The following VWA3B variants were observed in gnomAD, a reference collection of about 807,000 sequenced individuals.
VWA3B encodes von Willebrand factor A domain containing 3B, also known as von Willebrand factor A domain-containing protein 3B.
In VWA3B, 138 loss-of-function variants were observed where a neutral mutation model predicts 158.3. The ratio of observed to expected loss-of-function variants is 0.87; its 90% CI spans 0.76 to 1.00. The LOEUF is 1.00. Among genes scored for constraint, VWA3B ranks in the 50% least tolerant of loss-of-function variants. The pLI is 0.00. For synonymous variants in VWA3B, 596 were observed against 587.3 expected (o/e 1.01, Z -0.21); for missense variants, 1,555 against 1,565.1 (o/e 0.99, Z 0.11).
intron 14 of VWA3B, among the ~76,000 whole-genome samples, chr2:98,227,242 A>G (rs979518784): frequency 2.0e-5 from 3 of 152,170 alleles, no homozygotes; most frequent in African/African-American, 7.2e-5. Flanking sequence ...GCATTCCTGT[A>G]CTCCAACAAC....
chr2:98,112,181 T>C (rs934932623), intron 2 of VWA3B, among the ~76,000 whole-genome samples: 32 of 152,214 alleles, frequency 2.1e-4, no homozygotes, highest in African/African-American at 7.2e-4. Flanking sequence ...CCTTTCCTCA[T>C]TGCTTATTTT....
At chr2:98,154,421 C>T (rs187267081) in intron 7 of VWA3B, among the ~76,000 whole-genome samples, 2 of 152,302 alleles carry the variant, frequency 1.3e-5, no homozygotes, top group Non-Finnish European at 2.9e-5. Flanking sequence ...TGCACCTTGC[C>T]CTCTTCCCTT....
At chr2:98,162,511 G>A (rs1310825318) in intron 7 of VWA3B, among the ~76,000 whole-genome samples, 2 of 152,154 alleles carry the variant, frequency 1.3e-5, no homozygotes, top group South Asian at 2.1e-4. Context: ...TCCCCTCCTC[G>A]CAGCGGTGAC....
intron 7 of VWA3B, among the ~76,000 whole-genome samples, chr2:98,141,380 TC>T (rs1462131615): frequency 6.6e-6 from 1 of 152,084 alleles, no homozygotes; most frequent in Non-Finnish European, 1.5e-5. Context: ...TCAGGAAACT[TC>T]CGAAAGCCTT....
In VWA3B at chr2:98,089,812, A is replaced by G. The variant is rs144575656; in HGVS notation, c.-33+2449A>G. On this transcript the variant is annotated intron_variant, in intron 1 of 27. Transcript: ENST00000477737. Reference sequence around the variant, plus strand: ...CAGGTTCTCAGATCCAGTAGAGCCAATTACACTTTTTTTAAAAATTAATTT... The same window carrying G: ...CAGGTTCTCAGATCCAGTAGAGCCAGTTACACTTTTTTTAAAAATTAATTT... 4.5e-3 allele frequency among the ~76,000 whole-genome samples: 682 copies of G among 152,094 alleles called. 6 individuals are homozygous for G. Among genetic ancestry groups the G allele is most frequent in the African/African-American group, 0.016 (658 of 41,494 alleles).
chr2:98,189,352 C>T (rs916293922), intron 10 of VWA3B, among the ~76,000 whole-genome samples: 4 of 152,184 alleles, frequency 2.6e-5, no homozygotes, highest in African/African-American at 9.7e-5. Flanking sequence ...GCTTGCAGAT[C>T]GCACTACTGC....
chr2:98,092,420 G>A (rs1682373207), intron 1 of VWA3B, among the ~76,000 whole-genome samples: 1 of 152,190 alleles, frequency 6.6e-6, no homozygotes, highest in African/African-American at 2.4e-5. Flanking sequence ...CAAGGCGGGC[G>A]GATCACGAGG....
intron 17 of VWA3B, 70 bp downstream of exon 17, chr2:98,234,837 G>A (rs1486718573): frequency 6.3e-7 from 1 of 1,599,534 alleles, no homozygotes; most frequent in African/African-American, 1.3e-5. Context: ...AGAAAGAGCT[G>A]CGTGTAGATA....
chr2:98,115,432 T>TG lies in VWA3B; in HGVS notation c.197-220_197-219insG, dbSNP rs1434933737. On this transcript the variant is annotated intron_variant, in intron 2 of 27. Coordinates refer to ENST00000477737, the MANE Select transcript of VWA3B (RefSeq NM_144992.5). Reference sequence around the variant, plus strand: ...ACATTGTGCACATGTACCTGAGAACTTAAAGTATAATAAAGAAAAATATTA... The same window carrying TG: ...ACATTGTGCACATGTACCTGAGAACTGTAAAGTATAATAAAGAAAAATATTA... Among the ~76,000 whole-genome samples, 10 of 152,274 alleles carry TG rather than the reference T, an allele frequency of 6.6e-5. No individual in the cohort carries two copies. The East Asian group carries it at 1.9e-3, about 29-fold the overall frequency.
rs1690929026 is a variant in VWA3B, at chr2:98,312,008, C to T, written c.3711C>T (p.Cys1237=). Reference sequence around the variant, plus strand: ...ACGGCATCAGCTCCCATGGGTCCTGCCAGGGGACACACCCCGAGCCCAGGG... The same window carrying T: ...ACGGCATCAGCTCCCATGGGTCCTGTCAGGGGACACACCCCGAGCCCAGGG... ...SSHGISSHGS[C]QGTHPEPRTA... is the part of the protein sequence containing the mutation. Residue 1237 remains cysteine (C), a synonymous_variant, in exon 27 of 28, where the codon TGC becomes TGT. Transcript: ENST00000477737. The T allele has an allele frequency of 7.5e-6, 12 of 1,600,704 alleles. No homozygotes were observed. The highest frequency in any genetic ancestry group is 1.0e-5 in the Non-Finnish European group (12 of 1,173,606).
At chr2:98,206,904 T>G (rs1404261444) in intron 12 of VWA3B, 1 of 434,048 alleles carries the variant, frequency 2.3e-6, no homozygotes, top group Admixed American at 2.6e-5. Context: ...TGACTGAGTC[T>G]GGTGTTGTCA....
chr2:98,246,252 T>TA (rs1686386134), intron 19 of VWA3B, among the ~76,000 whole-genome samples: 1 of 152,156 alleles, frequency 6.6e-6, no homozygotes, highest in Non-Finnish European at 1.5e-5. Context: ...TCCATTATTT[T>TA]AAAAATAAAG....
chr2:98,265,691 C>T (rs1335127318), intron 21 of VWA3B, among the ~76,000 whole-genome samples: 33 of 145,492 alleles, frequency 2.3e-4, no homozygotes, highest in African/African-American at 6.3e-4. Context: ...TTCTCCACAT[C>T]CTCTCCAGCA....
chr2:98,190,317 T>C (rs1460411014), intron 10 of VWA3B, among the ~76,000 whole-genome samples: 1 of 152,182 alleles, frequency 6.6e-6, no homozygotes, highest in Admixed American at 6.5e-5. Context: ...CAACTTTCAC[T>C]CCCACTTACG....
Position 98,133,844 on chromosome 2 carries a change from G to A in VWA3B, c.893G>A (p.Arg298Lys), listed in dbSNP as rs778127319. The change falls in exon 7 of 28, where the codon AGA (arginine) becomes AAA (lysine). Residue 298 changes from arginine to lysine, a missense_variant. Arg to Lys is a conservative substitution (Grantham distance 26, BLOSUM62 2). Transcript: ENST00000477737. ...THSRFHAFAE[R>K]TECVEFPAFS... ...TTCAGATTCCACGCATTTGCCGAGA[G>A]AACAGAGTGTGTAGAATTTCCTGCA... The A allele has an allele frequency of 6.2e-6, 10 of 1,613,988 alleles. No homozygotes were observed. Among genetic ancestry groups the A allele is most frequent in the Non-Finnish European group, 6.8e-6 (8 of 1,180,028 alleles).
intron 2 of VWA3B, among the ~76,000 whole-genome samples, chr2:98,112,297 T>G (rs1400354434): frequency 1.3e-5 from 2 of 150,896 alleles, no homozygotes; most frequent in East Asian, 3.9e-4. Flanking sequence ...TGTGTGTGTG[T>G]GTGTGGGTGT....
At position 98,228,293 on chromosome 2, in the gene VWA3B, T is replaced by G. The variant is rs769313373; in HGVS notation, c.2111T>G (p.Met704Arg). ...GACCTTTATTCTGAGTCCTTGATCA[T>G]GGACTGGTGGTACAATGCAGAAAAG... Reference protein sequence around the residue: ...MQDLYSESLIMDWWYNAEKDG... With the variant: ...MQDLYSESLIRDWWYNAEKDG... The change falls in exon 15 of 28, where the codon ATG (methionine) becomes AGG (arginine). Residue 704 changes from methionine to arginine, a missense_variant. Met to Arg is a moderately conservative substitution (Grantham distance 91). Transcript: ENST00000477737. 2 of 1,614,064 alleles carry G rather than the reference T, an allele frequency of 1.2e-6. No individual in the cohort carries two copies. Among genetic ancestry groups the G allele is most frequent in the Admixed American group, 1.7e-5 (1 of 60,022 alleles).
intron 6 of VWA3B, among the ~76,000 whole-genome samples, chr2:98,132,899 C>T (rs527766488): frequency 1.3e-5 from 2 of 152,324 alleles, no homozygotes; most frequent in South Asian, 2.1e-4. Flanking sequence ...TCCATAGCCG[C>T]GGTGGGTTCC....
chr2:98,169,744 TG>T (rs1679420416), intron 8 of VWA3B, among the ~76,000 whole-genome samples: 4 of 151,654 alleles, frequency 2.6e-5, no homozygotes, highest in Middle Eastern at 3.4e-3. Flanking sequence ...TGTGTGTGTG[TG>T]TGTGTGTGTG....
Sources: allele counts gnomAD v4.1 joint callset (sites outside exome capture counted in the v4.1 genomes callset), GRCh38; gene constraint gnomAD v4.1.1; transcripts MANE v1.5; gene names NCBI Gene and HGNC (gene_info 2026-07-23, HGNC 2026-07-21).